The following GABRR2 variants were observed in gnomAD, a reference collection of about 807,000 sequenced individuals.
GABRR2 encodes gamma-aminobutyric acid type A receptor subunit rho2.
In GABRR2, 36 loss-of-function variants were observed where a neutral mutation model predicts 47.0. That is an observed-to-expected ratio of 0.77 (90% CI 0.59 to 1.01). GABRR2 has a LOEUF of 1.01. Ranked by LOEUF, GABRR2 falls within the 50% of genes least tolerant of loss-of-function variation. The probability of loss-of-function intolerance (pLI) is 0.00; values close to 1 mark genes in which losing one functional copy is unlikely to be tolerated. For missense variants in GABRR2, 587 were observed against 594.6 expected (o/e 0.99, Z 0.13); for synonymous variants, 204 against 227.5 (o/e 0.90, Z 0.93).
chr6:89,289,042 T>C (rs1774390555), intron 2 of GABRR2, among the ~76,000 whole-genome samples: 1 of 151,988 alleles, frequency 6.6e-6, no homozygotes, highest in Admixed American at 6.5e-5. Flanking sequence ...ATATACTGAG[T>C]TCAAAACAGC....
chr6:89,298,843 G>T (rs1774599520), intron 2 of GABRR2, among the ~76,000 whole-genome samples: 1 of 152,154 alleles, frequency 6.6e-6, no homozygotes, highest in South Asian at 2.1e-4. Flanking sequence ...TCCTGAGGGT[G>T]GAGCCCTCAC....
intron 1 of GABRR2, chr6:89,302,613 C>T: frequency 8.2e-7 from 1 of 1,226,652 alleles, no homozygotes; most frequent in Non-Finnish European, 1.1e-6. Context: ...TTACCGGGCC[C>T]TGACCGTGCC....
chr6:89,303,443 A>T (rs12660200), intron 1 of GABRR2, among the ~76,000 whole-genome samples: 27 of 152,244 alleles, frequency 1.8e-4, no homozygotes, highest in African/African-American at 6.5e-4. Context: ...CAGAGATGAC[A>T]CAAAGAAATG....
intron 1 of GABRR2, among the ~76,000 whole-genome samples, chr6:89,305,641 A>AC (rs1767546530): frequency 6.6e-6 from 1 of 151,718 alleles, no homozygotes; most frequent in African/African-American, 2.4e-5. Context: ...CACACACACA[A>AC]AAAGCATGAG....
chr6:89,293,229 G>T (rs985952937), intron 2 of GABRR2, among the ~76,000 whole-genome samples: 2 of 152,188 alleles, frequency 1.3e-5, no homozygotes, highest in South Asian at 2.1e-4. Context: ...ATTCCTATAT[G>T]ATGTTGTTAG....
chr6:89,275,472 C>T (rs1774141995), intron 2 of GABRR2, among the ~76,000 whole-genome samples: 1 of 152,216 alleles, frequency 6.6e-6, no homozygotes, highest in East Asian at 1.9e-4. Context: ...TGGAGTTTCA[C>T]CATCTTGGCC....
intron 2 of GABRR2, among the ~76,000 whole-genome samples, chr6:89,272,180 C>A (rs914129575): frequency 6.6e-6 from 1 of 152,206 alleles, no homozygotes; most frequent in Non-Finnish European, 1.5e-5. Flanking sequence ...CAGGCTATAC[C>A]TACAGAGACC....
chr6:89,297,574 G>T (rs1774577782), intron 2 of GABRR2, among the ~76,000 whole-genome samples: 1 of 152,220 alleles, frequency 6.6e-6, no homozygotes, highest in Non-Finnish European at 1.5e-5. Context: ...GGTAGTTGTG[G>T]CTGGGCACAG....
chr6:89,302,227 G>T (rs113182672), intron 1 of GABRR2: 1 of 571,602 alleles, frequency 1.7e-6, no homozygotes. Flanking sequence ...TGGGCACGCT[G>T]CTCATCAGCA....
chr6:89,309,338 C>T (rs542039279), intron 1 of GABRR2, among the ~76,000 whole-genome samples: 8 of 152,176 alleles, frequency 5.3e-5, no homozygotes, highest in Non-Finnish European at 1.2e-4. Flanking sequence ...TTACAGAGTC[C>T]TTTGAACCCT....
intron 1 of GABRR2, among the ~76,000 whole-genome samples, chr6:89,311,551 G>A (rs1767682233): frequency 6.6e-6 from 1 of 152,202 alleles, no homozygotes; most frequent in Non-Finnish European, 1.5e-5. Context: ...CCATGGCAGG[G>A]CAGCCAGGAC....
intron 1 of GABRR2, among the ~76,000 whole-genome samples, chr6:89,300,249 C>T (rs1405401610): frequency 3.3e-5 from 5 of 152,170 alleles, no homozygotes; most frequent in African/African-American, 7.2e-5. Context: ...GTGGCTCACA[C>T]CTGTAATCCC....
At position 89,292,748 on chromosome 6, in the gene GABRR2, A is replaced by ATATATCGTATATACGATATATCGTG. The variant is rs1774476948; in HGVS notation, c.220+7010_220+7011insCACGATATATCGTATATACGATATA. Among the ~76,000 whole-genome samples, 3 of 95,708 alleles carry ATATATCGTATATACGATATATCGTG rather than the reference A, an allele frequency of 3.1e-5. 1 individual carries two copies. Among genetic ancestry groups the ATATATCGTATATACGATATATCGTG allele is most frequent in the Admixed American group, 1.1e-4 (1 of 8,796 alleles). 62.8% of individuals were successfully genotyped at this position (95,708 alleles called of 152,430 possible). A position where few individuals can be genotyped will look rare whatever the true frequency, so the allele number is the denominator to read the frequency against. ...TATCGTATATATCATATATAATCGTATATATCGTATATACGATATATCGTA... is the reference window on the plus strand; with the variant it reads ...TATCGTATATATCATATATAATCGTATATATCGTATATACGATATATCGTGTATATCGTATATACGATATATCGTA... On this transcript the variant is annotated intron_variant, in intron 2 of 8. Transcript: ENST00000402938.
At chr6:89,299,574 C>T (rs1774613540) in intron 2 of GABRR2, among the ~76,000 whole-genome samples, 185 bp downstream of exon 2, 4 of 152,300 alleles carry the variant, frequency 2.6e-5, no homozygotes, top group Admixed American at 1.3e-4. Context: ...GTCAACGGCC[C>T]TCTCCACTAC....
chr6:89,272,280 G>A (rs1297353744), intron 2 of GABRR2, among the ~76,000 whole-genome samples: 1 of 152,200 alleles, frequency 6.6e-6, no homozygotes, highest in African/African-American at 2.4e-5. Context: ...CACAGCAAAG[G>A]ACAATGAAAC....
chr6:89,293,607 G>A (rs538543707), intron 2 of GABRR2, among the ~76,000 whole-genome samples: 8 of 152,226 alleles, frequency 5.3e-5, no homozygotes, highest in East Asian at 1.9e-4. Flanking sequence ...GCAACGTGGC[G>A]AAAACCTGTC....
chr6:89,280,247 T>TATATATATATATACATAC (rs1271132149), intron 2 of GABRR2, among the ~76,000 whole-genome samples: 2 of 101,342 alleles, frequency 2.0e-5, no homozygotes, highest in East Asian at 3.3e-4. Context: ...TATATATATA[T>TATATATATATATACATAC]ATATATACAT....
chr6:89,296,657 G>A (rs1359356855), intron 2 of GABRR2, among the ~76,000 whole-genome samples: 2 of 152,254 alleles, frequency 1.3e-5, no homozygotes, highest in Non-Finnish European at 2.9e-5. Flanking sequence ...ACGCTCTGGA[G>A]GGCCCCACAG....
intron 8 of GABRR2, among the ~76,000 whole-genome samples, chr6:89,263,446 C>G (rs13193330): frequency 0.13 from 20,469 of 152,198 alleles, 1,421 homozygotes; most frequent in Middle Eastern, 0.17. Context: ...GTCAGCCCCC[C>G]CAACCCCTGC....
Sources: allele counts gnomAD v4.1 joint callset (sites outside exome capture counted in the v4.1 genomes callset), GRCh38; gene constraint gnomAD v4.1.1; transcripts MANE v1.5; gene names NCBI Gene and HGNC (gene_info 2026-07-23, HGNC 2026-07-21).